The following TMEM132D variants were observed in gnomAD, a reference collection of about 807,000 sequenced individuals.
The protein encoded by TMEM132D is transmembrane protein 132D, also known as mature OL transmembrane protein.
In TMEM132D, 21 loss-of-function variants were observed where a neutral mutation model predicts 62.3. That is an observed-to-expected ratio of 0.34 (90% CI 0.24 to 0.49). TMEM132D has a LOEUF of 0.49. Among genes scored for constraint, TMEM132D ranks in the 20% least tolerant of loss-of-function variants. TMEM132D has a pLI of 0.99. For synonymous variants in TMEM132D, 621 were observed against 575.6 expected, an observed-to-expected ratio of 1.08 and a Z score of -1.13; for missense variants, 1,346 against 1,402.8, an observed-to-expected ratio of 0.96 and a Z score of 0.65.
Position 129,392,151 on chromosome 12 carries a change from G to A in TMEM132D, c.1116-54334C>T, listed in dbSNP as rs140131793. On this transcript the variant is annotated intron_variant, in intron 3 of 8. Transcript: ENST00000422113. The stretch of plus-strand genomic sequence containing the variant: ...CGGCTCACCGCAACCTCTGCCTCCC[G>A]GGTTCAAGTGATTCTCCAGCCTCAG... Among the ~76,000 whole-genome samples the A allele has an allele frequency of 7.9e-3, 1,204 of 151,966 alleles. 20 individuals are homozygous for A. The highest frequency in any genetic ancestry group is 0.027 in the African/African-American group (1,129 of 41,378).
chr12:129,349,336 T>C (rs7138156), intron 3 of TMEM132D, among the ~76,000 whole-genome samples: 59,708 of 151,972 alleles, frequency 0.39, 12,455 homozygotes, highest in African/African-American at 0.5. Flanking sequence ...TTTACTCCAA[T>C]CATCCATATT....
At chr12:129,524,976 A>G (rs1593050702) in intron 3 of TMEM132D, among the ~76,000 whole-genome samples, 1 of 104,150 alleles carries the variant, frequency 9.6e-6, no homozygotes, top group Non-Finnish European at 1.7e-5. Context: ...GCCAGGCTGG[A>G]GTGCAGTGGC....
intron 3 of TMEM132D, among the ~76,000 whole-genome samples, chr12:129,356,917 AAGGAG>A (rs200145891): frequency 3.3e-4 from 34 of 104,510 alleles, no homozygotes; most frequent in Non-Finnish European, 4.6e-4. Flanking sequence ...AAGGTAAGGA[AAGGAG>A]AGGAGAGGAG....
rs1351094957 is a variant in TMEM132D at position 129,073,165 on chromosome 12, C to CAAAT, written c.*706_*709dup. 2 of 152,208 alleles carry CAAAT rather than the reference C, an allele frequency of 1.3e-5. No individual in the cohort carries two copies. Among genetic ancestry groups the CAAAT allele is most frequent in the Non-Finnish European group, 2.9e-5 (2 of 68,046 alleles). 9.4% of individuals were successfully genotyped at this position (152,208 alleles called of 1,614,324 possible). On this transcript the variant is annotated 3_prime_UTR_variant, in exon 9 of 9. Transcript: ENST00000422113. ...TTCTATGCCCAGTATCCTTAGTTTA[C>CAAAT]AAATAAAGAAGTACCCTGAAGGGCT...
At chr12:129,591,732 G>A (rs564120327) in intron 2 of TMEM132D, among the ~76,000 whole-genome samples, 2 of 151,800 alleles carry the variant, frequency 1.3e-5, no homozygotes, top group Admixed American at 1.3e-4. Flanking sequence ...TCTAATGAGG[G>A]GGATTATTTG....
rs551628446 is a variant in TMEM132D at position 129,827,615 on chromosome 12, T to C, written c.79+75646A>G. Among the ~76,000 whole-genome samples the C allele has an allele frequency of 3.9e-4, 59 of 152,344 alleles. No homozygotes were observed. Among genetic ancestry groups the C allele is most frequent in the Non-Finnish European group, 7.5e-4 (51 of 68,038 alleles). On this transcript the variant is annotated intron_variant, in intron 1 of 8. Coordinates refer to ENST00000422113, the MANE Select transcript of TMEM132D (RefSeq NM_133448.3). This position sits in a 1 kb window ranked among gnomAD's most constrained non-coding sequence, Gnocchi z 9.7. ...GGTGTTTCCTGCTGTGGCAGTTCAC[T>C]AAATTAAATTTCAAAACATTCCTTG...
intron 4 of TMEM132D, among the ~76,000 whole-genome samples, chr12:129,253,398 T>C (rs77739547): frequency 0.02 from 3,039 of 152,248 alleles, 51 homozygotes; most frequent in Non-Finnish European, 0.03. Context: ...CTGAGCACTA[T>C]GAGCTCATTC....
chr12:129,498,838 A>G (rs956441236), intron 3 of TMEM132D, among the ~76,000 whole-genome samples: 4 of 152,192 alleles, frequency 2.6e-5, no homozygotes, highest in African/African-American at 9.7e-5. Context: ...TATGGAATCT[A>G]AGGTGGGGAC....
At chr12:129,261,593 T>C (rs141071730) in intron 4 of TMEM132D, among the ~76,000 whole-genome samples, 4 of 152,268 alleles carry the variant, frequency 2.6e-5, no homozygotes, top group African/African-American at 9.6e-5. Flanking sequence ...ACTGGATGAT[T>C]TGAACAACAG....
rs76502580 is a variant in TMEM132D at position 129,562,373 on chromosome 12, C to T, written c.969-31168G>A. On this transcript the variant is annotated intron_variant, in intron 2 of 8. Coordinates refer to ENST00000422113, the MANE Select transcript of TMEM132D (RefSeq NM_133448.3). ...CAAGTTACCCAGCTCGAACGCCATTCCCTACTAGCAAGCATTTTTCCTTCA... is the reference window on the plus strand; with the variant it reads ...CAAGTTACCCAGCTCGAACGCCATTTCCTACTAGCAAGCATTTTTCCTTCA... 1.3e-3 allele frequency among the ~76,000 whole-genome samples: 197 copies of T among 152,288 alleles called. 1 individual carries two copies. Among genetic ancestry groups the T allele is most frequent in the Middle Eastern group, 3.4e-3 (1 of 294 alleles).
In TMEM132D at chr12:129,701,704, G is replaced by T. The variant is rs187498169; in HGVS notation, c.80-1006C>A. Among the ~76,000 whole-genome samples, 22 of 152,288 alleles carry T rather than the reference G, an allele frequency of 1.4e-4. No homozygotes were observed. In the East Asian group the frequency reaches 4.1e-3, roughly 28 times the overall value. Reference sequence around the variant, plus strand: ...GCATAATCCAAAGAACCAATTTAAGGAGTTTTAGAAATGTAAACTATTGGC... The same window carrying T: ...GCATAATCCAAAGAACCAATTTAAGTAGTTTTAGAAATGTAAACTATTGGC... On this transcript the variant is annotated intron_variant, in intron 1 of 8. Coordinates refer to ENST00000422113, the MANE Select transcript of TMEM132D (RefSeq NM_133448.3).
chr12:129,377,743 A>G (rs1452881161), intron 3 of TMEM132D, among the ~76,000 whole-genome samples: 1 of 152,192 alleles, frequency 6.6e-6, no homozygotes, highest in Non-Finnish European at 1.5e-5. Context: ...AGTATTTACA[A>G]AGAAATACGT....
At chr12:129,424,085 C>T (rs1872406216) in intron 3 of TMEM132D, among the ~76,000 whole-genome samples, 1 of 151,920 alleles carries the variant, frequency 6.6e-6, no homozygotes, top group African/African-American at 2.4e-5. Context: ...CGACAGTTGA[C>T]TATTATTAAC....
chr12:129,659,831 G>A (rs1431553092), intron 2 of TMEM132D, among the ~76,000 whole-genome samples: 8 of 152,046 alleles, frequency 5.3e-5, no homozygotes, highest in African/African-American at 1.9e-4. Flanking sequence ...AAATTTTCAG[G>A]GAAGTTACAC....
At chr12:129,599,951 G>A (rs2137141748) in intron 2 of TMEM132D, among the ~76,000 whole-genome samples, 1 of 152,190 alleles carries the variant, frequency 6.6e-6, no homozygotes, top group East Asian at 1.9e-4. Flanking sequence ...GGGGACTGCT[G>A]AAGGTTGGAG....
chr12:129,264,857 C>T (rs965854393), intron 4 of TMEM132D, among the ~76,000 whole-genome samples: 2 of 152,056 alleles, frequency 1.3e-5, no homozygotes, highest in African/African-American at 4.8e-5. Flanking sequence ...TATGTGGGAG[C>T]TAAGCTATAA....
chr12:129,879,967 T>C (rs957506348), intron 1 of TMEM132D, among the ~76,000 whole-genome samples: 4 of 151,842 alleles, frequency 2.6e-5, no homozygotes, highest in African/African-American at 7.3e-5. Flanking sequence ...AGAGGAAACA[T>C]GTGATGATTT....
intron 3 of TMEM132D, among the ~76,000 whole-genome samples, chr12:129,516,010 A>G (rs1171090207): frequency 1.3e-5 from 2 of 152,192 alleles, no homozygotes; most frequent in African/African-American, 4.8e-5. Context: ...CTACAATGAC[A>G]TTGACAATCA....
intron 4 of TMEM132D, among the ~76,000 whole-genome samples, chr12:129,321,618 G>A (rs866070754): frequency 2.6e-5 from 4 of 151,602 alleles, no homozygotes; most frequent in Admixed American, 2.0e-4. Flanking sequence ...GTGCAGTGGC[G>A]CGATCTCAGC....
Sources: allele counts gnomAD v4.1 joint callset (sites outside exome capture counted in the v4.1 genomes callset), GRCh38; gene constraint gnomAD v4.1.1; non-coding constraint Gnocchi (gnomAD v3.1); transcripts MANE v1.5; gene names NCBI Gene and HGNC (gene_info 2026-07-23, HGNC 2026-07-21).